COBLL1: variants seen among roughly 807,000 people sequenced by gnomAD.
The protein encoded by COBLL1 is cordon-bleu WH2 repeat protein like 1, also known as cordon-bleu protein-like 1.
Under a neutral mutation model 94.8 loss-of-function variants are expected in COBLL1, and 50 were observed. That is an observed-to-expected ratio of 0.53 (90% CI 0.42 to 0.67). The LOEUF (loss-of-function observed/expected upper bound fraction) is 0.67, where lower values mean the gene tolerates loss of function less well. COBLL1 is among the 30% of genes least tolerant of loss of function. COBLL1 has a pLI of 0.00. For missense variants in COBLL1, 1,362 were observed against 1,348.7 expected (o/e 1.01, Z -0.15); for synonymous variants, 448 against 473.8 (o/e 0.95, Z 0.71).
At chr2:164,759,934 T>C (rs1225871071) in intron 2 of COBLL1, among the ~76,000 whole-genome samples, 2 of 152,188 alleles carry the variant, frequency 1.3e-5, no homozygotes, top group Non-Finnish European at 2.9e-5. Flanking sequence ...CTCTCTCATA[T>C]GTGGCTTGTA....
At chr2:164,678,861 T>G (rs146966677), downstream of COBLL1, among the ~76,000 whole-genome samples, 617 of 152,306 alleles carry the variant, frequency 4.1e-3, 5 homozygotes, top group African/African-American at 0.014. Context: ...CTGTCTTTGT[T>G]TCTTTATGAC....
intron 2 of COBLL1, among the ~76,000 whole-genome samples, chr2:164,756,189 T>G (rs1687398921): frequency 6.6e-6 from 1 of 152,114 alleles, no homozygotes; most frequent in African/African-American, 2.4e-5. Flanking sequence ...CCAAATTCAC[T>G]TGCCAAGTAA....
chr2:164,735,896 T>C (rs1213317390), intron 3 of COBLL1, among the ~76,000 whole-genome samples: 1 of 152,088 alleles, frequency 6.6e-6, no homozygotes, highest in African/African-American at 2.4e-5. Context: ...TCATTAAAAG[T>C]GGAAAAGGAT....
chr2:164,695,808 T>C lies in COBLL1; in HGVS notation c.1584A>G (p.Pro528=), dbSNP rs778232784. The change falls in exon 12 of 14, where the codon CCA becomes CCG. Residue 528 remains proline, a synonymous_variant. Transcript: ENST00000652658. ...TTTTCATATTGTCTTCTGTGTTCTCTGGATAGACAATTATTTCATTTTGAA... is the reference window on the plus strand; with the variant it reads ...TTTTCATATTGTCTTCTGTGTTCTCCGGATAGACAATTATTTCATTTTGAA... ...NVVQNEIIVY[P]ENTEDNMKNG... 10 of 1,585,554 alleles carry C rather than the reference T, an allele frequency of 6.3e-6. No individual in the cohort carries two copies. The highest frequency in any genetic ancestry group is 2.3e-5 in the South Asian group (2 of 85,550).
intron 2 of COBLL1, among the ~76,000 whole-genome samples, chr2:164,819,822 T>TTTTG (rs554248890): frequency 3.3e-5 from 5 of 151,726 alleles, no homozygotes; most frequent in African/African-American, 9.7e-5. Context: ...TTTGTTTTGT[T>TTTTG]TTTGTTTGTT....
chr2:164,780,953 G>A (rs1436861873), intron 2 of COBLL1, among the ~76,000 whole-genome samples: 5 of 152,134 alleles, frequency 3.3e-5, no homozygotes, highest in Non-Finnish European at 7.4e-5. Context: ...TACCTTGCCT[G>A]TGATGTGCGT....
intron 2 of COBLL1, among the ~76,000 whole-genome samples, chr2:164,801,042 G>A (rs1291091449): frequency 6.6e-6 from 1 of 152,086 alleles, no homozygotes; most frequent in East Asian, 1.9e-4. Context: ...GCTCACATCT[G>A]GAATCCCAAC....
intron 2 of COBLL1, among the ~76,000 whole-genome samples, chr2:164,783,927 T>C (rs1166415572): frequency 1.3e-5 from 2 of 152,144 alleles, no homozygotes; most frequent in Admixed American, 6.5e-5. Flanking sequence ...GATTATGCCA[T>C]TGCACTCCAG....
intron 2 of COBLL1, among the ~76,000 whole-genome samples, chr2:164,810,590 G>T (rs1281685080): frequency 6.6e-6 from 1 of 151,628 alleles, no homozygotes; most frequent in Admixed American, 6.6e-5. Flanking sequence ...TAACATTGAA[G>T]TTAATTGTTA....
At chr2:164,835,174 CAAAAG>C (rs1313348376) in intron 2 of COBLL1, among the ~76,000 whole-genome samples, 1 of 152,066 alleles carries the variant, frequency 6.6e-6, no homozygotes, top group Non-Finnish European at 1.5e-5. Flanking sequence ...ACAACACACC[CAAAAG>C]AACTGAAAGT....
At chr2:164,692,593 C>A (rs1438521908) in intron 12 of COBLL1, 196 bp from the exon 13 acceptor site, 1 of 483,050 alleles carries the variant, frequency 2.1e-6, no homozygotes, top group Non-Finnish European at 3.6e-6. Context: ...GCATTATTCT[C>A]TCTTGAACTC....
At chr2:164,765,111 T>A (rs1434973561) in intron 2 of COBLL1, among the ~76,000 whole-genome samples, 1 of 152,158 alleles carries the variant, frequency 6.6e-6, no homozygotes, top group Non-Finnish European at 1.5e-5. Flanking sequence ...ACTGGGAACA[T>A]AATAAATGGA....
intron 2 of COBLL1, among the ~76,000 whole-genome samples, chr2:164,804,777 T>C (rs1414012201): frequency 1.3e-5 from 2 of 152,176 alleles, no homozygotes; most frequent in African/African-American, 4.8e-5. Flanking sequence ...TGCATTATAC[T>C]GAAAGATGCT....
intron 2 of COBLL1, among the ~76,000 whole-genome samples, chr2:164,762,509 A>G (rs1426398102): frequency 1.3e-5 from 2 of 152,198 alleles, no homozygotes; most frequent in African/African-American, 4.8e-5. Flanking sequence ...TATCAATCCA[A>G]CATATACTGA....
intron 2 of COBLL1, among the ~76,000 whole-genome samples, chr2:164,749,265 T>G (rs535941776): frequency 6.6e-6 from 1 of 152,290 alleles, no homozygotes; most frequent in African/African-American, 2.4e-5. Flanking sequence ...TAAAGTATTC[T>G]TATAGATTCA....
At chr2:164,663,257 C>A (rs1691099679) in intron 2 of COBLL1, among the ~76,000 whole-genome samples, 1 of 152,154 alleles carries the variant, frequency 6.6e-6, no homozygotes, top group Non-Finnish European at 1.5e-5. Context: ...CAACATATCC[C>A]TAATATTCAC....
rs778750128 is a variant in COBLL1 at position 164,692,347 on chromosome 2, A to G, written c.3174T>C (p.Thr1058=). Residue 1058 remains threonine (T), a synonymous_variant, in exon 13 of 14, where the codon ACT becomes ACC. Coordinates refer to ENST00000652658, the MANE Select transcript of COBLL1 (RefSeq NM_001365672.2). The part of the protein sequence containing the change: ...NEQNSQIPTP[T]DGPSFTVMRQ... ...TCATAACAGTGAATGATGGGCCATC[A>G]GTTGGAGTTGGTATTTGGGAATTCT... is the stretch of plus-strand genomic sequence containing the variant. The G allele has an allele frequency of 6.2e-7, 1 of 1,613,210 alleles. No homozygotes were observed. Among genetic ancestry groups the G allele is most frequent in the Non-Finnish European group, 8.5e-7 (1 of 1,179,516 alleles).
intron 2 of COBLL1, among the ~76,000 whole-genome samples, chr2:164,663,836 A>G (rs540867452): frequency 2.6e-5 from 4 of 152,332 alleles, no homozygotes; most frequent in Admixed American, 1.3e-4. Flanking sequence ...AAAACTTCCT[A>G]TTGGGTACTA....
intron 7 of COBLL1, among the ~76,000 whole-genome samples, chr2:164,710,809 T>C (rs1204282440): frequency 6.6e-6 from 1 of 152,020 alleles, no homozygotes; most frequent in Non-Finnish European, 1.5e-5. Flanking sequence ...GTGATCCACC[T>C]GCCTCGGCCT....
Sources: allele counts gnomAD v4.1 joint callset (sites outside exome capture counted in the v4.1 genomes callset), GRCh38; gene constraint gnomAD v4.1.1; transcripts MANE v1.5; gene names NCBI Gene and HGNC (gene_info 2026-07-23, HGNC 2026-07-21).